Variants in LINGO2 observed in about 807,000 individuals in gnomAD.
The protein encoded by LINGO2 is leucine rich repeat and Ig domain containing 2, also known as leucine-rich repeat and immunoglobulin-like domain-containing nogo receptor-interacting protein 2.
In LINGO2, 14 loss-of-function variants were observed where a neutral mutation model predicts 30.6. The ratio of observed to expected loss-of-function variants is 0.46; its 90% CI spans 0.30 to 0.72. The LOEUF is 0.72. Ranked by LOEUF, LINGO2 falls within the 30% of genes least tolerant of loss-of-function variation. The probability of loss-of-function intolerance (pLI) is 0.07; values close to 1 mark genes in which losing one functional copy is unlikely to be tolerated. For synonymous variants in LINGO2, 317 were observed against 288.5 expected (o/e 1.10, Z -1.00); for missense variants, 729 against 751.7 (o/e 0.97, Z 0.35).
chr9:29,188,620 G>A, the LINGO2 span, among the ~76,000 whole-genome samples: 1 of 151,988 alleles, frequency 6.6e-6, no homozygotes, highest in East Asian at 1.9e-4. Context: ...TGGCCGGGCA[G>A]AGGGGCTCCT....
the LINGO2 span, among the ~76,000 whole-genome samples, chr9:29,086,380 G>GGT: frequency 2.8e-5 from 4 of 141,470 alleles, no homozygotes; most frequent in African/African-American, 1.1e-4. Context: ...TCTTTATCAA[G>GGT]GTTTTTTTTG....
chr9:28,877,154 C>T, the LINGO2 span, among the ~76,000 whole-genome samples: 1 of 151,104 alleles, frequency 6.6e-6, no homozygotes, highest in Non-Finnish European at 1.5e-5. Context: ...GATATTAGCC[C>T]TTTGTCAGAT....
chr9:28,725,402 A>G, the LINGO2 span, among the ~76,000 whole-genome samples: 22 of 152,134 alleles, frequency 1.4e-4, no homozygotes, highest in Middle Eastern at 6.8e-3. Context: ...GATTAAACAC[A>G]GATAGGATTG....
chr9:28,050,447 T>C lies in LINGO2; in HGVS notation c.-86-38042A>G, dbSNP rs190723663. ...ATATTCTGCAAGACAATCTAAAAAC[T>C]CTTCAAAAGCTATTAATGTCATTCA... On this transcript the variant is annotated intron_variant, in intron 4 of 5. Transcript: ENST00000379992. Among the ~76,000 whole-genome samples the C allele has an allele frequency of 2.0e-3, 300 of 150,898 alleles. 6 individuals are homozygous for C. The highest frequency in any genetic ancestry group is 1.4e-3 in the Non-Finnish European group (98 of 67,846).
At chr9:28,578,466 A>G (rs1255196078) in intron 1 of LINGO2, among the ~76,000 whole-genome samples, 1 of 152,162 alleles carries the variant, frequency 6.6e-6, no homozygotes, top group Middle Eastern at 3.2e-3. Flanking sequence ...ACAATTATTT[A>G]ATGATATTAT....
chr9:28,271,873 G>T (rs981066253), intron 4 of LINGO2, among the ~76,000 whole-genome samples: 9 of 152,162 alleles, frequency 5.9e-5, no homozygotes, highest in African/African-American at 2.2e-4. Flanking sequence ...TAGAAAAACA[G>T]TCCTTATCTC....
intron 4 of LINGO2, among the ~76,000 whole-genome samples, chr9:28,207,797 A>C (rs1438260135): frequency 6.6e-6 from 1 of 152,186 alleles, no homozygotes; most frequent in African/African-American, 2.4e-5. Flanking sequence ...CCTAAAAATA[A>C]TTAGCTATGT....
the LINGO2 span, among the ~76,000 whole-genome samples, chr9:29,046,230 C>G: frequency 6.6e-6 from 1 of 152,144 alleles, no homozygotes; most frequent in Non-Finnish European, 1.5e-5. Context: ...GGAACTGCTT[C>G]CAGCCTTTGC....
intron 1 of LINGO2, among the ~76,000 whole-genome samples, chr9:28,602,049 C>A (rs1825502646): frequency 6.6e-6 from 1 of 151,946 alleles, no homozygotes; most frequent in African/African-American, 2.4e-5. Flanking sequence ...AGAAGTGCTC[C>A]CTGGAGAAAT....
chr9:28,245,520 T>C (rs113893692), intron 4 of LINGO2, among the ~76,000 whole-genome samples: 15,882 of 152,168 alleles, frequency 0.1, 875 homozygotes, highest in Non-Finnish European at 0.11. Flanking sequence ...CTGTCTCTGT[T>C]TGCAGATGAC....
At chr9:29,101,805 CT>C in the LINGO2 span, among the ~76,000 whole-genome samples, 1 of 152,108 alleles carries the variant, frequency 6.6e-6, no homozygotes, top group African/African-American at 2.4e-5. Context: ...TTTATCCAGT[CT>C]TCTGTTGATG....
chr9:28,997,257 T>C, the LINGO2 span, among the ~76,000 whole-genome samples: 12 of 152,052 alleles, frequency 7.9e-5, no homozygotes, highest in East Asian at 2.3e-3. Flanking sequence ...AGTGAGACCC[T>C]GTCTCTGAAA....
At chr9:28,730,703 A>G in the LINGO2 span, among the ~76,000 whole-genome samples, 2 of 152,218 alleles carry the variant, frequency 1.3e-5, no homozygotes, top group African/African-American at 2.4e-5. Flanking sequence ...AGTTTTATAC[A>G]TATGGCAATA....
At chr9:29,188,225 C>G in the LINGO2 span, among the ~76,000 whole-genome samples, 193 of 151,690 alleles carry the variant, frequency 1.3e-3, no homozygotes, top group Middle Eastern at 3.4e-3. Context: ...TGACTCTTAA[C>G]GAGCATGCTG....
the LINGO2 span, among the ~76,000 whole-genome samples, chr9:28,810,552 T>C: frequency 1.4e-4 from 22 of 151,852 alleles, no homozygotes; most frequent in African/African-American, 5.3e-4. Flanking sequence ...ATCAAGAGAG[T>C]GCTGTGATTT....
intron 1 of LINGO2, among the ~76,000 whole-genome samples, chr9:28,518,249 A>G (rs1820702122): frequency 6.6e-6 from 1 of 152,222 alleles, no homozygotes; most frequent in Non-Finnish European, 1.5e-5. Context: ...ACAAATTAAG[A>G]AGAAAAGACA....
At chr9:29,083,845 C>T in the LINGO2 span, among the ~76,000 whole-genome samples, 4 of 152,066 alleles carry the variant, frequency 2.6e-5, no homozygotes. Flanking sequence ...ATTTCCATCA[C>T]CTTCCAGGAT....
At chr9:28,198,335 C>G (rs1820092645) in intron 4 of LINGO2, among the ~76,000 whole-genome samples, 1 of 151,802 alleles carries the variant, frequency 6.6e-6, no homozygotes, top group Non-Finnish European at 1.5e-5. Flanking sequence ...TGTGCATGGA[C>G]CTACATATAC....
At chr9:28,108,877 A>G (rs552516040) in intron 4 of LINGO2, among the ~76,000 whole-genome samples, 1 of 152,284 alleles carries the variant, frequency 6.6e-6, no homozygotes, top group African/African-American at 2.4e-5. Context: ...AATTTCATAC[A>G]TGGAGATTAG....
Sources: allele counts gnomAD v4.1 joint callset (sites outside exome capture counted in the v4.1 genomes callset), GRCh38; gene constraint gnomAD v4.1.1; transcripts MANE v1.5; gene names NCBI Gene and HGNC (gene_info 2026-07-23, HGNC 2026-07-21).